The following FOXP4 variants were observed in gnomAD, a reference collection of about 807,000 sequenced individuals.
FOXP4 encodes the protein forkhead box P4.
Under a neutral mutation model 82.6 loss-of-function variants are expected in FOXP4, and 25 were observed. That is an observed-to-expected ratio of 0.30 (90% confidence interval 0.22 to 0.42). The LOEUF (loss-of-function observed/expected upper bound fraction) is 0.42. Among genes scored for constraint, FOXP4 ranks in the 10% least tolerant of loss-of-function variants. The probability of loss-of-function intolerance (pLI) is 1.00; values close to 1 mark genes in which losing one functional copy is unlikely to be tolerated. For missense variants in FOXP4, 785 were observed against 900.9 expected (o/e 0.87, Z 1.65); for synonymous variants, 415 against 388.2 (o/e 1.07, Z -0.81).
At position 41,599,065 on chromosome 6, in the gene FOXP4, G is replaced by A; in HGVS notation, c.*129G>A. ...CAGGACTCAGACCGGGGAGGCCCGG[G>A]CCAGCAGCTCCCAGTGTGACCTGAC... On this transcript the variant is annotated 3_prime_UTR_variant, in exon 17 of 17. Coordinates refer to ENST00000307972, the MANE Select transcript of FOXP4 (RefSeq NM_001012426.2). 2 of 1,295,844 alleles carry A rather than the reference G, an allele frequency of 1.5e-6. No homozygotes were observed. The highest frequency in any genetic ancestry group is 2.1e-6 in the Non-Finnish European group (2 of 962,126). 80.3% of individuals were successfully genotyped at this position (1,295,844 alleles called of 1,614,324 possible).
At chr6:41,554,622 G>A (rs560719132) in intron 1 of FOXP4, among the ~76,000 whole-genome samples, 2 of 152,264 alleles carry the variant, frequency 1.3e-5, no homozygotes, top group East Asian at 3.9e-4. Context: ...CACTTTGGGA[G>A]GCCAAGGCAG....
In FOXP4 at chr6:41,580,012, A is replaced by G. The variant is rs372825348; in HGVS notation, c.300+1931A>G. Among the ~76,000 whole-genome samples the G allele has an allele frequency of 4.6e-5, 7 of 151,372 alleles. No individual in the cohort carries two copies. In the East Asian group the frequency reaches 1.2e-3, roughly 25 times the overall value. ...TATACAACAAATAAAAGACAGAGTG[A>G]GGATTTGAACCCAATAGCTCCAGAA... On this transcript the variant is annotated intron_variant, in intron 3 of 16. Coordinates refer to ENST00000307972, the MANE Select transcript of FOXP4 (RefSeq NM_001012426.2).
At chr6:41,574,802 T>C (rs1379180064) in intron 2 of FOXP4, among the ~76,000 whole-genome samples, 1 of 152,210 alleles carries the variant, frequency 6.6e-6, no homozygotes, top group Non-Finnish European at 1.5e-5. Flanking sequence ...GTTCACCGTG[T>C]TAACTCGCCC....
intron 2 of FOXP4, among the ~76,000 whole-genome samples, chr6:41,570,820 A>T (rs1765158430): frequency 1.3e-5 from 2 of 152,088 alleles, no homozygotes; most frequent in South Asian, 4.1e-4. Context: ...GGAAGGCTGC[A>T]TCCTAGGGTC....
intron 3 of FOXP4, among the ~76,000 whole-genome samples, chr6:41,584,351 C>T (rs1765971543): frequency 6.6e-6 from 1 of 152,234 alleles, no homozygotes; most frequent in South Asian, 2.1e-4. Context: ...CTATGGGTGG[C>T]CTGGTATGCT....
intron 16 of FOXP4, 78 bp downstream of exon 16, chr6:41,598,028 G>T (rs1766969244): frequency 6.3e-6 from 8 of 1,275,950 alleles, no homozygotes; most frequent in South Asian, 1.6e-5. Context: ...CCCACCCTGG[G>T]TGGGGTTCCC....
intron 2 of FOXP4, among the ~76,000 whole-genome samples, chr6:41,569,154 G>C (rs1289805772): frequency 6.6e-6 from 1 of 152,176 alleles, no homozygotes; most frequent in African/African-American, 2.4e-5. Context: ...GCAGTCTTAT[G>C]CCCTATGGGG....
intron 3 of FOXP4, among the ~76,000 whole-genome samples, chr6:41,582,409 G>A (rs749947030): frequency 2.6e-5 from 4 of 152,236 alleles, no homozygotes; most frequent in South Asian, 2.1e-4. Context: ...GGGAGGGCAG[G>A]TGCCCCAAAT....
chr6:41,597,297 C>T, intron 15 of FOXP4, 55 bp downstream of exon 15: 17 of 1,568,722 alleles, frequency 1.1e-5, no homozygotes, highest in African/African-American at 1.3e-5. Context: ...CTTGCTTTCT[C>T]ATACAAGAGA....
At chr6:41,565,442 G>GC (rs1764818320) in intron 1 of FOXP4, among the ~76,000 whole-genome samples, 1 of 152,124 alleles carries the variant, frequency 6.6e-6, no homozygotes, top group South Asian at 2.1e-4. Context: ...ACCTCAACTG[G>GC]GGCAAAAAAT....
At chr6:41,555,000 C>T (rs1562007136) in intron 1 of FOXP4, among the ~76,000 whole-genome samples, 1 of 152,160 alleles carries the variant, frequency 6.6e-6, no homozygotes, top group Non-Finnish European at 1.5e-5. Flanking sequence ...TGCCTGTAAT[C>T]CCAGCACTTG....
chr6:41,588,675 C>T lies in FOXP4; in HGVS notation c.1009C>T (p.Arg337Trp), dbSNP rs994382214. The T allele has an allele frequency of 1.2e-6, 2 of 1,614,046 alleles. No individual in the cohort carries two copies. The highest frequency in any genetic ancestry group is 1.7e-6 in the Non-Finnish European group (2 of 1,180,022). The change falls in exon 9 of 17, where the codon CGG becomes TGG. Residue 337 changes from arginine to tryptophan, a missense_variant. Arg to Trp is a moderately radical substitution (Grantham distance 101). This residue lies in a region of FOXP4 where 570 missense variants were observed against 634.0 expected (regional missense o/e 0.90). Transcript: ENST00000307972. ...HLNTEHALDDRSTAQCRVQMQ... is the reference protein window; with the variant it reads ...HLNTEHALDDWSTAQCRVQMQ... Reference sequence around the variant, plus strand: ...CAACACAGAGCACGCCCTGGATGACCGGAGTACAGCCCAGTGCCGGGTACA... The same window carrying T: ...CAACACAGAGCACGCCCTGGATGACTGGAGTACAGCCCAGTGCCGGGTACA...
chr6:41,584,746 G>A (rs1274025354), intron 3 of FOXP4, 23 bp from the exon 4 acceptor site: 1 of 1,565,670 alleles, frequency 6.4e-7, no homozygotes, highest in Non-Finnish European at 8.7e-7. Context: ...CAGGGGACAG[G>A]GCTAACGGGC....
At chr6:41,576,365 C>T (rs555864917) in intron 2 of FOXP4, among the ~76,000 whole-genome samples, 23 of 152,224 alleles carry the variant, frequency 1.5e-4, no homozygotes, top group African/African-American at 4.8e-4. Context: ...GATGAACGGA[C>T]GCGAAGGTGG....
At chr6:41,552,664 C>G (rs553077876) in intron 1 of FOXP4, among the ~76,000 whole-genome samples, 2 of 152,124 alleles carry the variant, frequency 1.3e-5, no homozygotes, top group South Asian at 2.1e-4. Flanking sequence ...AAGGGGTTTT[C>G]GGCACTCACC....
intron 7 of FOXP4, 124 bp downstream of exon 7, chr6:41,587,636 C>G: frequency 1.2e-6 from 1 of 855,500 alleles, no homozygotes; most frequent in East Asian, 4.2e-5. Flanking sequence ...CACTCCCTCT[C>G]CACTCCCTCT....
At chr6:41,590,623 G>A (rs1766458474) in intron 12 of FOXP4, among the ~76,000 whole-genome samples, 1 of 152,110 alleles carries the variant, frequency 6.6e-6, no homozygotes, top group South Asian at 2.1e-4. Flanking sequence ...CACGTACACA[G>A]CCCGCCATGA....
At chr6:41,572,522 A>G (rs1053097149) in intron 2 of FOXP4, among the ~76,000 whole-genome samples, 6 of 152,196 alleles carry the variant, frequency 3.9e-5, no homozygotes, top group Admixed American at 6.5e-5. Flanking sequence ...AGGTAAAGGT[A>G]ATAGGCTTTC....
chr6:41,565,644 A>G, intron 1 of FOXP4, 101 bp from the exon 2 acceptor site: 2 of 1,084,798 alleles, frequency 1.8e-6, no homozygotes, highest in Non-Finnish European at 2.7e-6. Flanking sequence ...GTAGATGCCC[A>G]GCTACTCCTG....
Sources: gnomAD v4.1 joint callset for allele counts (sites outside exome capture counted in the v4.1 genomes callset) on GRCh38, gnomAD v4.1.1 for gene constraint, gnomAD v4.1.1 regional missense constraint, MANE v1.5 for transcripts, NCBI Gene and HGNC (gene_info 2026-07-23, HGNC 2026-07-21) for gene names.